The following SLC26A7 variants were observed in gnomAD, a reference collection of about 807,000 sequenced individuals.
SLC26A7 encodes the protein anion exchange transporter.
A neutral mutation model predicts 82.5 loss-of-function variants in SLC26A7; 59 were observed. The ratio of observed to expected loss-of-function variants is 0.72; its 90% CI spans 0.58 to 0.89. The LOEUF is 0.89. Among genes scored for constraint, SLC26A7 ranks in the 40% least tolerant of loss-of-function variants. The pLI, the probability that SLC26A7 is intolerant of heterozygous loss-of-function variation, is 0.00. For missense variants in SLC26A7, 820 were observed against 793.0 expected, an observed-to-expected ratio of 1.03 and a Z score of -0.41; for synonymous variants, 271 against 274.3, an observed-to-expected ratio of 0.99 and a Z score of 0.12.
chr8:91,268,892 A>G (rs1003943857), intron 2 of SLC26A7, among the ~76,000 whole-genome samples: 6 of 151,514 alleles, frequency 4.0e-5, no homozygotes, highest in Non-Finnish European at 7.4e-5. Context: ...AAATTTTTAT[A>G]GTTATAACAG....
chr8:91,382,636 T>TAGTG (rs1252814315), intron 15 of SLC26A7, among the ~76,000 whole-genome samples: 3 of 152,196 alleles, frequency 2.0e-5, no homozygotes, highest in Non-Finnish European at 4.4e-5. Flanking sequence ...TTCATAGTAA[T>TAGTG]AGTGAAACAG....
intron 2 of SLC26A7, among the ~76,000 whole-genome samples, chr8:91,268,346 A>G (rs1811170307): frequency 6.6e-6 from 1 of 151,864 alleles, no homozygotes; most frequent in Admixed American, 6.6e-5. Context: ...TGAAAAGGTT[A>G]TAGCCTCTTG....
At chr8:91,291,663 C>A (rs1811872903) in intron 3 of SLC26A7, among the ~76,000 whole-genome samples, 1 of 152,100 alleles carries the variant, frequency 6.6e-6, no homozygotes, top group East Asian at 1.9e-4. Flanking sequence ...TATTTGATGT[C>A]CTAAGGAATC....
intron 2 of SLC26A7, among the ~76,000 whole-genome samples, chr8:91,274,002 C>T (rs942778876): frequency 6.6e-6 from 1 of 152,088 alleles, no homozygotes; most frequent in East Asian, 1.9e-4. Context: ...AGGAAGATCT[C>T]GGTTTTTAAC....
chr8:91,219,515 A>T (rs1257232235), intron 2 of SLC26A7, among the ~76,000 whole-genome samples: 1 of 151,686 alleles, frequency 6.6e-6, no homozygotes, highest in East Asian at 1.9e-4. Context: ...ACTGTTTTTA[A>T]TTTTTTTTTC....
At chr8:91,285,111 T>C (rs1811674278) in intron 2 of SLC26A7, among the ~76,000 whole-genome samples, 1 of 152,284 alleles carries the variant, frequency 6.6e-6, no homozygotes, top group Admixed American at 6.5e-5. Flanking sequence ...TCCATGCCTC[T>C]TCTCTAGCTT....
At chr8:91,231,758 T>G (rs546631951) in intron 2 of SLC26A7, among the ~76,000 whole-genome samples, 21 of 152,156 alleles carry the variant, frequency 1.4e-4, no homozygotes, top group Non-Finnish European at 2.6e-4. Flanking sequence ...CTGTATGACA[T>G]AGGGAACTCT....
At chr8:91,284,462 A>G (rs943409034) in intron 2 of SLC26A7, among the ~76,000 whole-genome samples, 1 of 152,214 alleles carries the variant, frequency 6.6e-6, no homozygotes, top group Non-Finnish European at 1.5e-5. Context: ...GTGGAAACTT[A>G]ATTCTACAAA....
chr8:91,264,961 C>T (rs941894663), intron 2 of SLC26A7, among the ~76,000 whole-genome samples: 1 of 151,908 alleles, frequency 6.6e-6, no homozygotes, highest in Non-Finnish European at 1.5e-5. Context: ...CTGCATGCTA[C>T]TATGTAATTG....
intron 4 of SLC26A7, among the ~76,000 whole-genome samples, chr8:91,316,257 A>G (rs1812627094): frequency 6.6e-6 from 1 of 151,830 alleles, no homozygotes; most frequent in Non-Finnish European, 1.5e-5. Context: ...TTTAAGAGTT[A>G]ATCTCATTTG....
chr8:91,326,077 G>T (rs566998420), intron 5 of SLC26A7, among the ~76,000 whole-genome samples: 2 of 152,122 alleles, frequency 1.3e-5, no homozygotes, highest in Non-Finnish European at 2.9e-5. Flanking sequence ...TGGTCATTCA[G>T]TTGGCCATCT....
intron 4 of SLC26A7, among the ~76,000 whole-genome samples, chr8:91,304,055 A>G (rs146991457): frequency 6.6e-6 from 1 of 152,228 alleles, no homozygotes; most frequent in African/African-American, 2.4e-5. Context: ...AACTTTCCTT[A>G]TGTACAAAAA....
At position 91,366,609 on chromosome 8, in the gene SLC26A7, A is replaced by G. The variant is rs2130875499; in HGVS notation, c.1518A>G (p.Ser506=). ...CCCTGCAGCAGGTGAAAATTATCTC[A>G]ATAAACAACCCGCTTGTTTTCCTGA... ...SETLQQVKII[S]INNPLVFLNA... Residue 506 remains serine, a synonymous_variant, in exon 14 of 19, where the codon TCA becomes TCG. Transcript: ENST00000276609. 6.2e-7 allele frequency: 1 copy of G among 1,613,466 alleles called. No homozygotes were observed. Among genetic ancestry groups the G allele is most frequent in the African/African-American group, 1.3e-5 (1 of 75,024 alleles).
chr8:91,334,360 G>T lies in SLC26A7; in HGVS notation c.708G>T (p.Leu236=). Residue 236 remains leucine, a synonymous_variant, in exon 6 of 19, where the codon CTG becomes CTT. Transcript: ENST00000276609. ...VRLEALLLSL[L]SIVVLVLVKE... is the part of the protein sequence containing the mutation. Reference sequence around the variant, plus strand: ...TGGAAGCATTGCTTTTATCCTTGCTGAGCATTGTGGTCCTTGTTCTTGTTA... The same window carrying T: ...TGGAAGCATTGCTTTTATCCTTGCTTAGCATTGTGGTCCTTGTTCTTGTTA... 1 of 1,613,488 alleles carries T rather than the reference G, an allele frequency of 6.2e-7. No homozygotes were observed. Among genetic ancestry groups the T allele is most frequent in the Middle Eastern group, 1.7e-4 (1 of 6,046 alleles).
intron 11 of SLC26A7, among the ~76,000 whole-genome samples, chr8:91,356,191 G>A (rs1162705073): frequency 5.3e-5 from 8 of 152,152 alleles, no homozygotes; most frequent in Non-Finnish European, 1.0e-4. Flanking sequence ...ATAAACATAC[G>A]TGTGCATGTG....
At chr8:91,297,548 A>G (rs1812049871) in intron 4 of SLC26A7, among the ~76,000 whole-genome samples, 1 of 152,086 alleles carries the variant, frequency 6.6e-6, no homozygotes, top group South Asian at 2.1e-4. Context: ...AGAGAGTTGC[A>G]TATTTTCTCT....
chr8:91,310,459 G>A (rs1006873262), intron 4 of SLC26A7, among the ~76,000 whole-genome samples: 2 of 152,120 alleles, frequency 1.3e-5, no homozygotes, highest in Admixed American at 6.6e-5. Flanking sequence ...GATTTGGCAG[G>A]ATGGTATCCC....
At position 91,382,465 on chromosome 8, in the gene SLC26A7, A is replaced by T. The variant is rs1814693877; in HGVS notation, c.1676-6873A>T. On this transcript the variant is annotated intron_variant, in intron 15 of 18. Coordinates refer to ENST00000276609, the MANE Select transcript of SLC26A7 (RefSeq NM_052832.4). The stretch of plus-strand genomic sequence containing the variant: ...ACTATCTCCCTTTTCTTCCAATCCA[A>T]ATTTTATACTTTTTCTGAGGTTTAA... Among the ~76,000 whole-genome samples, 2 of 152,160 alleles carry T rather than the reference A, an allele frequency of 1.3e-5. 1 individual carries two copies. The highest frequency in any genetic ancestry group is 4.1e-4 in the South Asian group (2 of 4,830).
intron 15 of SLC26A7, among the ~76,000 whole-genome samples, chr8:91,387,873 T>C (rs978365890): frequency 5.3e-5 from 8 of 152,248 alleles, no homozygotes; most frequent in Non-Finnish European, 1.0e-4. Flanking sequence ...AAGTTACTGA[T>C]TATTTAGTGT....
Sources: allele counts gnomAD v4.1 joint callset (sites outside exome capture counted in the v4.1 genomes callset), GRCh38; gene constraint gnomAD v4.1.1; transcripts MANE v1.5; gene names NCBI Gene and HGNC (gene_info 2026-07-23, HGNC 2026-07-21).